Variants in FHIT observed in about 807,000 individuals in gnomAD.
FHIT encodes bis(5'-adenosyl)-triphosphatase.
A neutral mutation model predicts 17.9 loss-of-function variants in FHIT; 19 were observed. That is an observed-to-expected ratio of 1.06 (90% CI 0.74 to 1.56). FHIT has a LOEUF of 1.56. FHIT is among the 40% of genes most tolerant of loss of function. The pLI, the probability that FHIT is intolerant of heterozygous loss-of-function variation, is 0.00. For synonymous variants in FHIT, 81 were observed against 69.7 expected (o/e 1.16, Z -0.81); for missense variants, 248 against 189.2 (o/e 1.31, Z -1.82).
chr3:60,140,639 C>A (rs191470824), intron 5 of FHIT, among the ~76,000 whole-genome samples: 68 of 147,096 alleles, frequency 4.6e-4, no homozygotes, highest in Non-Finnish European at 8.8e-4. Context: ...AGTGCAATGG[C>A]GTGATCTCAG....
chr3:60,781,826 AT>A (rs1700398327), intron 4 of FHIT, among the ~76,000 whole-genome samples: 2 of 152,156 alleles, frequency 1.3e-5, no homozygotes, highest in African/African-American at 4.8e-5. Context: ...AAATTATTTC[AT>A]TTTTTTCATT....
chr3:60,491,395 A>G (rs75961745), intron 5 of FHIT, among the ~76,000 whole-genome samples: 1,553 of 151,850 alleles, frequency 0.01, 16 homozygotes, highest in East Asian at 0.051. Context: ...AGCTACAATT[A>G]TATTTTCTAA....
intron 4 of FHIT, among the ~76,000 whole-genome samples, chr3:60,598,856 T>C (rs1553667668): frequency 6.6e-6 from 1 of 152,130 alleles, no homozygotes; most frequent in Non-Finnish European, 1.5e-5. Context: ...TGTGTTTGCT[T>C]TTAGCAAACA....
In FHIT at chr3:60,502,957, T is replaced by C. The variant is rs548667268; in HGVS notation, c.103+33903A>G. ...GGTGACTGTGACACATTAGTAATACTTGATGGTACTGTAGCTGAATACTGA... is the reference window on the plus strand; with the variant it reads ...GGTGACTGTGACACATTAGTAATACCTGATGGTACTGTAGCTGAATACTGA... On this transcript the variant is annotated intron_variant, in intron 5 of 9. Transcript: ENST00000492590. Among the ~76,000 whole-genome samples, 3 of 152,322 alleles carry C rather than the reference T, an allele frequency of 2.0e-5. 1 individual carries two copies. Among genetic ancestry groups the C allele is most frequent in the East Asian group, 1.9e-4 (1 of 5,180 alleles).
chr3:60,515,800 G>A lies in FHIT; in HGVS notation c.103+21060C>T, dbSNP rs72883940. Among the ~76,000 whole-genome samples the A allele has an allele frequency of 6.6e-3, 998 of 152,214 alleles. 10 individuals carry two copies. The highest frequency in any genetic ancestry group is 0.023 in the African/African-American group (937 of 41,522). Reference sequence around the variant, plus strand: ...ATTCCGCTGGGTAGATACTATTACCGCCCATTTGAAGCATAAGGTAACTGA... The same window carrying A: ...ATTCCGCTGGGTAGATACTATTACCACCCATTTGAAGCATAAGGTAACTGA... On this transcript the variant is annotated intron_variant, in intron 5 of 9. Coordinates refer to ENST00000492590, the MANE Select transcript of FHIT (RefSeq NM_002012.4).
In FHIT at chr3:60,316,915, C is replaced by T. The variant is rs142973342; in HGVS notation, c.103+219945G>A. On this transcript the variant is annotated intron_variant, in intron 5 of 9. Transcript: ENST00000492590. ...TACCTGCAGAGCTTGTTAAATAGAG[C>T]GATCCTGTAGTCCTTTCCTAATCGA... Among the ~76,000 whole-genome samples the T allele has an allele frequency of 9.0e-3, 1,364 of 152,212 alleles. 21 individuals are homozygous for T. The highest frequency in any genetic ancestry group is 0.031 in the African/African-American group (1,300 of 41,530).
intron 4 of FHIT, among the ~76,000 whole-genome samples, chr3:60,555,074 G>A (rs1388560904): frequency 6.6e-6 from 1 of 152,210 alleles, no homozygotes; most frequent in Non-Finnish European, 1.5e-5. Flanking sequence ...AACCTTGTAA[G>A]AGAACAAGTT....
chr3:60,176,422 A>G (rs981331380), intron 5 of FHIT, among the ~76,000 whole-genome samples: 1 of 152,174 alleles, frequency 6.6e-6, no homozygotes, highest in East Asian at 1.9e-4. Context: ...ATCAGATATT[A>G]ATTAGTAAAG....
chr3:60,420,511 A>T (rs1324016748), intron 5 of FHIT, among the ~76,000 whole-genome samples: 5 of 152,136 alleles, frequency 3.3e-5, no homozygotes, highest in Non-Finnish European at 7.4e-5. Context: ...TAAGCAATAT[A>T]TATAGCTCCT....
intron 3 of FHIT, among the ~76,000 whole-genome samples, chr3:60,994,749 G>A (rs1396218632): frequency 6.6e-6 from 1 of 152,120 alleles, no homozygotes; most frequent in Non-Finnish European, 1.5e-5. Flanking sequence ...ATGGATAGAT[G>A]CAAGTGTCCT....
At chr3:61,033,559 C>T (rs563289837) in intron 3 of FHIT, among the ~76,000 whole-genome samples, 16 of 152,224 alleles carry the variant, frequency 1.1e-4, no homozygotes, top group African/African-American at 3.6e-4. Flanking sequence ...AATGTGGCTA[C>T]TACAAAATGT....
intron 3 of FHIT, among the ~76,000 whole-genome samples, chr3:60,839,090 G>C (rs1553744398): frequency 6.6e-6 from 1 of 152,126 alleles, no homozygotes; most frequent in Non-Finnish European, 1.5e-5. Context: ...CTAAGGGAAG[G>C]ATGCTGGGCT....
At chr3:60,216,606 T>G (rs2107526297) in intron 5 of FHIT, among the ~76,000 whole-genome samples, 1 of 152,296 alleles carries the variant, frequency 6.6e-6, no homozygotes, top group Non-Finnish European at 1.5e-5. Context: ...AATACTCTAC[T>G]CTAAGCTGAC....
chr3:60,131,627 T>C (rs1447486360), intron 5 of FHIT, among the ~76,000 whole-genome samples: 5 of 152,112 alleles, frequency 3.3e-5, no homozygotes, highest in Non-Finnish European at 5.9e-5. Context: ...CCCACAGATA[T>C]GTCTCCTTCT....
Position 60,151,646 on chromosome 3 carries a change from C to T in FHIT, c.104-137494G>A, listed in dbSNP as rs547168470. On this transcript the variant is annotated intron_variant, in intron 5 of 9. Transcript: ENST00000492590. ...CTCCCTCTCTCTCACAAAGCTTCAG[C>T]CCCACTGTCTTTCTTGCTGTTCCTT... 1.4e-4 allele frequency among the ~76,000 whole-genome samples: 22 copies of T among 152,268 alleles called. 1 individual carries two copies. The highest frequency in any genetic ancestry group is 9.8e-4 in the Admixed American group (15 of 15,296).
chr3:61,062,112 C>T (rs775198697), intron 2 of FHIT, among the ~76,000 whole-genome samples: 5 of 151,986 alleles, frequency 3.3e-5, no homozygotes, highest in Non-Finnish European at 5.9e-5. Context: ...CTACAGAATA[C>T]GTTACTAGAC....
intron 4 of FHIT, among the ~76,000 whole-genome samples, chr3:60,654,420 G>A (rs2040068807): frequency 6.6e-6 from 1 of 152,102 alleles, no homozygotes; most frequent in Non-Finnish European, 1.5e-5. Flanking sequence ...CATGTCTACA[G>A]AGCCACCTGT....
At chr3:60,704,246 T>C (rs991159604) in intron 4 of FHIT, among the ~76,000 whole-genome samples, 3 of 152,198 alleles carry the variant, frequency 2.0e-5, no homozygotes, top group Non-Finnish European at 4.4e-5. Context: ...AGATGGTTTG[T>C]CTTCAAGTCA....
chr3:60,213,380 C>A (rs1327666611), intron 5 of FHIT, among the ~76,000 whole-genome samples: 1 of 152,178 alleles, frequency 6.6e-6, no homozygotes, highest in Non-Finnish European at 1.5e-5. Flanking sequence ...GATCAGATTT[C>A]ACCGAAGCAA....
Sources: gnomAD v4.1 joint callset for allele counts (sites outside exome capture counted in the v4.1 genomes callset) on GRCh38, gnomAD v4.1.1 for gene constraint, MANE v1.5 for transcripts, NCBI Gene and HGNC (gene_info 2026-07-23, HGNC 2026-07-21) for gene names.